Variants in NFIX observed in about 807,000 individuals in gnomAD.
NFIX encodes the protein nuclear factor I X.
In NFIX, 2 loss-of-function variants were observed where a neutral mutation model predicts 53.3. That is an observed-to-expected ratio of 0.04 (90% CI 0.02 to 0.12). The LOEUF is 0.12. NFIX is among the 10% of genes least tolerant of loss of function. NFIX has a pLI of 1.00. For synonymous variants in NFIX, 244 were observed against 289.0 expected (o/e 0.84, Z 1.58); for missense variants, 310 against 674.5 (o/e 0.46, Z 5.99).
At chr19:13,074,625 T>G (rs2016964148) in intron 5 of NFIX, among the ~76,000 whole-genome samples, 1 of 147,102 alleles carries the variant, frequency 6.8e-6, no homozygotes, top group African/African-American at 2.5e-5. Flanking sequence ...GTGGGGTGGA[T>G]GGAGAGGGAG....
chr19:13,038,565 A>G (rs534964988), intron 2 of NFIX, among the ~76,000 whole-genome samples: 2 of 152,366 alleles, frequency 1.3e-5, no homozygotes, highest in Admixed American at 1.3e-4. Context: ...TCTAGGTTCT[A>G]AGTGTTCTCA....
In NFIX at chr19:13,005,053, G is replaced by C. The variant is rs2011941805; in HGVS notation, c.27+9189G>C. ...ACTGGTCTCAAACTCCTGGCCTCAAGTGATCCGCCCGCCTCGGCCTCCCAA... is the reference window on the plus strand; with the variant it reads ...ACTGGTCTCAAACTCCTGGCCTCAACTGATCCGCCCGCCTCGGCCTCCCAA... On this transcript the variant is annotated intron_variant, in intron 1 of 10. Transcript: ENST00000592199. This position sits in a 1 kb window ranked among gnomAD's most constrained non-coding sequence, Gnocchi z 4.7. Among the ~76,000 whole-genome samples, 1 of 152,098 alleles carries C rather than the reference G, an allele frequency of 6.6e-6. No individual in the cohort carries two copies. Among genetic ancestry groups the C allele is most frequent in the African/African-American group, 2.4e-5 (1 of 41,410 alleles).
rs1222429347 is a variant in NFIX at position 13,090,852 on chromosome 19, G to A, written c.1494+462G>A. On this transcript the variant is annotated intron_variant, in intron 10 of 10. Transcript: ENST00000592199. This position sits in a 1 kb window ranked among gnomAD's most constrained non-coding sequence, Gnocchi z 6.6. ...GAGGGCCTGGTGGGCTGCGTGCCCA[G>A]AACTGGCACTGAGGGCAGGGCAGGG... 2.0e-5 allele frequency among the ~76,000 whole-genome samples: 3 copies of A among 152,214 alleles called. No homozygotes were observed. The highest frequency in any genetic ancestry group is 4.4e-5 in the Non-Finnish European group (3 of 68,030).
At position 13,072,530 on chromosome 19, in the gene NFIX, G is replaced by A. The variant is rs1396182815; in HGVS notation, c.560-517G>A. ...AGTTAGGGAAGGGGATGCTCCTCTG[G>A]GAGCTGGAGCTGGGTGGGGGATGGG... On this transcript the variant is annotated intron_variant, in intron 2 of 10. Transcript: ENST00000592199. This position sits in a 1 kb window ranked among gnomAD's most constrained non-coding sequence, Gnocchi z 4.0. Among the ~76,000 whole-genome samples, 1 of 152,242 alleles carries A rather than the reference G, an allele frequency of 6.6e-6. No homozygotes were observed. Among genetic ancestry groups the A allele is most frequent in the East Asian group, 1.9e-4 (1 of 5,196 alleles).
chr19:13,007,507 A>G (rs1239787205), intron 1 of NFIX, among the ~76,000 whole-genome samples: 2 of 152,212 alleles, frequency 1.3e-5, no homozygotes, highest in Non-Finnish European at 2.9e-5. Context: ...ATCTCTGCCC[A>G]AGCCCAGGCC....
chr19:13,039,696 A>G (rs1253748442), intron 2 of NFIX, among the ~76,000 whole-genome samples: 1 of 152,130 alleles, frequency 6.6e-6, no homozygotes, highest in African/African-American at 2.4e-5. Context: ...GCTGGGGGCC[A>G]GTTTATTTTG....
At chr19:13,026,717 C>T (rs1272502898) in intron 2 of NFIX, among the ~76,000 whole-genome samples, 1 of 146,730 alleles carries the variant, frequency 6.8e-6, no homozygotes, top group Admixed American at 7.0e-5. Context: ...AGAGGGCTAC[C>T]AAACCTTTCT....
chr19:13,074,034 C>T lies in NFIX; in HGVS notation c.818+8C>T. 1 of 1,613,834 alleles carries T rather than the reference C, an allele frequency of 6.2e-7. No individual in the cohort carries two copies. The highest frequency in any genetic ancestry group is 8.5e-7 in the Non-Finnish European group (1 of 1,179,832). On this transcript the variant is annotated splice_region_variant and intron_variant, in intron 5 of 10. Coordinates refer to ENST00000592199, the MANE Select transcript of NFIX (RefSeq NM_001365902.3). The stretch of plus-strand genomic sequence containing the variant: ...CTCCCCTCCTTCCACCAGGTAAGCC[C>T]AGTGGCCCTGCCTTTCCATCTTCTC...
chr19:12,999,460 C>G (rs894947509), intron 1 of NFIX, among the ~76,000 whole-genome samples: 1 of 150,158 alleles, frequency 6.7e-6, no homozygotes, highest in African/African-American at 2.5e-5. Flanking sequence ...GCATGAGCCA[C>G]TGCACCCGGC....
In NFIX at chr19:13,081,930, G is replaced by A; in HGVS notation, c.1254+75G>A. 6.4e-7 allele frequency: 1 copy of A among 1,554,442 alleles called. No homozygotes were observed. Among genetic ancestry groups the A allele is most frequent in the South Asian group, 1.2e-5 (1 of 86,772 alleles). ...TATCTGTCTGTCTCAGGGCTCACAGGGAGAGGGCCCAAAAGCCAGGAGCCC... is the reference window on the plus strand; with the variant it reads ...TATCTGTCTGTCTCAGGGCTCACAGAGAGAGGGCCCAAAAGCCAGGAGCCC... On this transcript the variant is annotated intron_variant, in intron 8 of 10. Transcript: ENST00000592199. This position sits in a 1 kb window ranked among gnomAD's most constrained non-coding sequence, Gnocchi z 4.7.
chr19:13,016,023 C>T lies in NFIX; in HGVS notation c.28-8998C>T, dbSNP rs145990014. Reference sequence around the variant, plus strand: ...GCTTAAAAATTTAAGGCTTGTTCAGCGGTGCTGAAAATGTTTATTTCTTAA... The same window carrying T: ...GCTTAAAAATTTAAGGCTTGTTCAGTGGTGCTGAAAATGTTTATTTCTTAA... On this transcript the variant is annotated intron_variant, in intron 1 of 10. Coordinates refer to ENST00000592199, the MANE Select transcript of NFIX (RefSeq NM_001365902.3). Among the ~76,000 whole-genome samples, 6 of 152,168 alleles carry T rather than the reference C, an allele frequency of 3.9e-5. No individual in the cohort carries two copies. In the East Asian group the frequency reaches 9.6e-4, roughly 24 times the overall value.
rs1336095931 is a variant in NFIX, at chr19:13,006,820, T to G, written c.27+10956T>G. 1.3e-5 allele frequency among the ~76,000 whole-genome samples: 2 copies of G among 152,142 alleles called. No homozygotes were observed. Among genetic ancestry groups the G allele is most frequent in the African/African-American group, 4.8e-5 (2 of 41,438 alleles). Reference sequence around the variant, plus strand: ...GCCCGGCGGGGTCGGCACTGCAGGCTGGCAACCACCGTGCCCAGCCTGGTG... The same window carrying G: ...GCCCGGCGGGGTCGGCACTGCAGGCGGGCAACCACCGTGCCCAGCCTGGTG... On this transcript the variant is annotated intron_variant, in intron 1 of 10. Transcript: ENST00000592199. This position sits in a 1 kb window ranked among gnomAD's most constrained non-coding sequence, Gnocchi z 5.6.
In NFIX at chr19:13,072,754, G is replaced by T. The variant is rs564505649; in HGVS notation, c.560-293G>T. 2.0e-5 allele frequency among the ~76,000 whole-genome samples: 3 copies of T among 152,352 alleles called. No homozygotes were observed. The South Asian group carries it at 6.2e-4, about 32-fold the overall frequency. ...TGTCATCTAGTGGGTGGAGGCCAGG[G>T]ATGCTGCTCAGATACCCCACAGTGC... On this transcript the variant is annotated intron_variant, in intron 2 of 10. Coordinates refer to ENST00000592199, the MANE Select transcript of NFIX (RefSeq NM_001365902.3). This position sits in a 1 kb window ranked among gnomAD's most constrained non-coding sequence, Gnocchi z 4.0.
At chr19:13,077,564 G>A (rs148266435) in intron 6 of NFIX, among the ~76,000 whole-genome samples, 1 of 152,230 alleles carries the variant, frequency 6.6e-6, no homozygotes, top group Non-Finnish European at 1.5e-5. Flanking sequence ...CTGGCGGCTG[G>A]GAGTTCGCCC....
intron 1 of NFIX, among the ~76,000 whole-genome samples, chr19:13,007,800 A>G (rs959867422): frequency 1.3e-5 from 2 of 151,736 alleles, no homozygotes; most frequent in African/African-American, 4.8e-5. Flanking sequence ...CCTGGCCTCA[A>G]CCCAAGGCGG....
rs185762896 is a variant in NFIX at position 13,011,025 on chromosome 19, C to G, written c.28-13996C>G. 2.0e-5 allele frequency among the ~76,000 whole-genome samples: 3 copies of G among 152,322 alleles called. No individual in the cohort carries two copies. The East Asian group carries it at 5.8e-4, about 29-fold the overall frequency. On this transcript the variant is annotated intron_variant, in intron 1 of 10. Coordinates refer to ENST00000592199, the MANE Select transcript of NFIX (RefSeq NM_001365902.3). The surrounding 1 kb of genome is among the most constrained non-coding windows in gnomAD (Gnocchi z 6.5). ...TTTTTATATGTAAGAACCGCTCCCC[C>G]CTCTTCCCGCTCCACGTTTGTACTT...
intron 1 of NFIX, chr19:13,023,904 T>G (rs1221041823): frequency 5.3e-6 from 4 of 754,034 alleles, no homozygotes; most frequent in African/African-American, 1.8e-5. Flanking sequence ...AATAACCCCC[T>G]TTAAAACATT....
chr19:13,025,452 G>A lies in NFIX; in HGVS notation c.459G>A (p.Ser153=), dbSNP rs776373141. ...CTGATGGGGAGCGGCTCTACAAGTC[G>A]CCTCAGTGCTCGAACCCCGGCCTGT... ...ESTDGERLYK[S]PQCSNPGLCV... The change falls in exon 2 of 11, where the codon TCG becomes TCA. Residue 153 remains serine (S), a synonymous_variant. Coordinates refer to ENST00000592199, the MANE Select transcript of NFIX (RefSeq NM_001365902.3). The surrounding 1 kb of genome is among the most constrained non-coding windows in gnomAD (Gnocchi z 7.5). 2 of 1,614,044 alleles carry A rather than the reference G, an allele frequency of 1.2e-6. No individual in the cohort carries two copies. The highest frequency in any genetic ancestry group is 8.5e-7 in the Non-Finnish European group (1 of 1,179,916).
chr19:13,080,893 G>A (rs560002647), intron 7 of NFIX, among the ~76,000 whole-genome samples: 4 of 152,166 alleles, frequency 2.6e-5, no homozygotes, highest in African/African-American at 9.6e-5. Context: ...CCAGCTACTC[G>A]GGAGGCTGAG....
Sources: allele counts gnomAD v4.1 joint callset (sites outside exome capture counted in the v4.1 genomes callset), GRCh38; gene constraint gnomAD v4.1.1; non-coding constraint Gnocchi (gnomAD v3.1); transcripts MANE v1.5; gene names NCBI Gene and HGNC (gene_info 2026-07-23, HGNC 2026-07-21).